ADGRL3: variants seen among roughly 807,000 people sequenced by gnomAD.
ADGRL3 encodes calcium-independent alpha-latrotoxin receptor 3.
In ADGRL3, 62 loss-of-function variants were observed where a neutral mutation model predicts 153.5. The observed-to-expected ratio is 0.40, with a 90% CI of 0.33 to 0.50. The LOEUF (loss-of-function observed/expected upper bound fraction) is 0.50, where lower values mean the gene tolerates loss of function less well. Among genes scored for constraint, ADGRL3 ranks in the 20% least tolerant of loss-of-function variants. The pLI, the probability that ADGRL3 is intolerant of heterozygous loss-of-function variation, is 0.47. For synonymous variants in ADGRL3, 710 were observed against 672.5 expected (o/e 1.06, Z -0.86); for missense variants, 1,641 against 1,859.4 (o/e 0.88, Z 2.16).
At chr4:61,554,984 A>G (rs1266974366) in intron 4 of ADGRL3, among the ~76,000 whole-genome samples, 3 of 152,246 alleles carry the variant, frequency 2.0e-5, no homozygotes, top group Non-Finnish European at 4.4e-5. Context: ...AATGTATGAT[A>G]AACAAGGATT....
intron 1 of ADGRL3, among the ~76,000 whole-genome samples, chr4:61,367,208 C>T (rs866411073): frequency 1.3e-5 from 2 of 151,544 alleles, no homozygotes; most frequent in South Asian, 4.2e-4. Flanking sequence ...TGATTTCAGA[C>T]AAGTTTTTTA....
chr4:61,527,044 C>T (rs956288755), intron 4 of ADGRL3, among the ~76,000 whole-genome samples: 9 of 151,910 alleles, frequency 5.9e-5, no homozygotes, highest in East Asian at 3.9e-4. Flanking sequence ...ACATTATTTG[C>T]AACACATTTT....
At chr4:61,620,805 T>TA (rs1230842907) in intron 5 of ADGRL3, among the ~76,000 whole-genome samples, 3 of 151,796 alleles carry the variant, frequency 2.0e-5, no homozygotes, top group Non-Finnish European at 4.4e-5. Flanking sequence ...CATGCCCAAC[T>TA]AATTTTTGTA....
chr4:61,256,725 T>C (rs2092007491), intron 1 of ADGRL3, among the ~76,000 whole-genome samples: 1 of 152,172 alleles, frequency 6.6e-6, no homozygotes, highest in African/African-American at 2.4e-5. Context: ...GGAAATAAAC[T>C]GAGTTTATAA....
intron 1 of ADGRL3, among the ~76,000 whole-genome samples, chr4:61,298,903 C>A (rs1398103029): frequency 6.6e-6 from 1 of 152,048 alleles, no homozygotes; most frequent in Non-Finnish European, 1.5e-5. Context: ...ATAACTTAAT[C>A]AAATGTTGGC....
chr4:61,630,364 A>T (rs1289877357), intron 5 of ADGRL3, among the ~76,000 whole-genome samples: 1 of 152,314 alleles, frequency 6.6e-6, no homozygotes, highest in African/African-American at 2.4e-5. Flanking sequence ...ACTGCAAGTA[A>T]TAGGAACTCA....
rs367672720 is a variant in ADGRL3, at chr4:61,374,648, A to G, written c.-239-8476A>G. Reference sequence around the variant, plus strand: ...GGGGGCAGAGAAAAAAGGAGAAAGCAGAATGGCAATGCAATGGAAATCTGA... The same window carrying G: ...GGGGGCAGAGAAAAAAGGAGAAAGCGGAATGGCAATGCAATGGAAATCTGA... On this transcript the variant is annotated intron_variant, in intron 1 of 26. Coordinates refer to ENST00000683033, the MANE Select transcript of ADGRL3 (RefSeq NM_001387552.1). 1.9e-4 allele frequency among the ~76,000 whole-genome samples: 29 copies of G among 152,320 alleles called. No homozygotes were observed. In the East Asian group the frequency reaches 4.2e-3, roughly 22 times the overall value.
chr4:61,836,696 A>C (rs1346887928), intron 9 of ADGRL3, among the ~76,000 whole-genome samples: 1 of 152,128 alleles, frequency 6.6e-6, no homozygotes, highest in East Asian at 1.9e-4. Context: ...TTTCGTTTTA[A>C]AATGACTGTA....
At chr4:61,636,200 T>C (rs1035559038) in intron 5 of ADGRL3, among the ~76,000 whole-genome samples, 5 of 152,112 alleles carry the variant, frequency 3.3e-5, no homozygotes, top group Non-Finnish European at 5.9e-5. Context: ...TCAGTCCTTA[T>C]TTTTTATACA....
At chr4:61,228,232 A>T (rs958844019) in intron 1 of ADGRL3, among the ~76,000 whole-genome samples, 1 of 152,238 alleles carries the variant, frequency 6.6e-6, no homozygotes, top group East Asian at 1.9e-4. Flanking sequence ...TGCTATGAGA[A>T]TGATGATGTC....
At chr4:61,729,939 CCTT>C (rs2096411452) in intron 6 of ADGRL3, among the ~76,000 whole-genome samples, 1 of 151,874 alleles carries the variant, frequency 6.6e-6, no homozygotes. Context: ...TTTTTCTAAA[CCTT>C]CTGATAATGT....
chr4:61,973,147 A>C (rs980636050), intron 17 of ADGRL3, among the ~76,000 whole-genome samples: 1 of 152,016 alleles, frequency 6.6e-6, no homozygotes, highest in Non-Finnish European at 1.5e-5. Flanking sequence ...TTTTTTGACA[A>C]TAAAGTTAGA....
At chr4:61,851,759 G>C (rs201174463) in intron 9 of ADGRL3, among the ~76,000 whole-genome samples, 1 of 103,106 alleles carries the variant, frequency 9.7e-6, no homozygotes. Context: ...TTTTCTTTTT[G>C]TGTGATGTCA....
chr4:61,353,954 C>A (rs1476038632), intron 1 of ADGRL3, among the ~76,000 whole-genome samples: 1 of 152,046 alleles, frequency 6.6e-6, no homozygotes, highest in African/African-American at 2.4e-5. Context: ...TTAACATTCT[C>A]ATTTTCATTT....
chr4:61,999,403 C>CA (rs2099132758), intron 21 of ADGRL3, among the ~76,000 whole-genome samples: 1 of 152,076 alleles, frequency 6.6e-6, no homozygotes, highest in East Asian at 1.9e-4. Context: ...CTTGATATAA[C>CA]AAAAAAATTA....
Position 61,733,023 on chromosome 4 carries a change from A to C in ADGRL3, c.868A>C (p.Lys290Gln). The change falls in exon 8 of 27, where the codon AAA (lysine) becomes CAA (glutamine). Residue 290 changes from lysine (K) to glutamine (Q), a missense_variant. By Grantham distance (53) the Lys-to-Gln change is moderately conservative (BLOSUM62 1). Transcript: ENST00000683033. The part of the protein sequence containing the change: ...VVYDGALFFN[K>Q]ERTRNIVKFD... ...GTATGATGGAGCTTTGTTCTTCAAC[A>C]AAGAGCGCACCAGGAACATAGTAAA... The C allele has an allele frequency of 6.2e-7, 1 of 1,613,788 alleles. No homozygotes were observed. Among genetic ancestry groups the C allele is most frequent in the Non-Finnish European group, 8.5e-7 (1 of 1,179,842 alleles).
At chr4:61,807,707 A>G (rs1298250197) in intron 8 of ADGRL3, among the ~76,000 whole-genome samples, 1 of 152,150 alleles carries the variant, frequency 6.6e-6, no homozygotes, top group Non-Finnish European at 1.5e-5. Flanking sequence ...TTTAGGTATC[A>G]TAATGGTATA....
At chr4:61,553,781 C>T (rs1405868502) in intron 4 of ADGRL3, among the ~76,000 whole-genome samples, 2 of 152,022 alleles carry the variant, frequency 1.3e-5, no homozygotes. Context: ...ATTTTGTAGA[C>T]TTGGTCCAAG....
chr4:61,766,694 T>G (rs1246055215), intron 8 of ADGRL3, among the ~76,000 whole-genome samples: 7 of 151,868 alleles, frequency 4.6e-5, no homozygotes, highest in Non-Finnish European at 8.8e-5. Context: ...GGTAATTTGA[T>G]GAGCTTGATG....
Sources: allele counts gnomAD v4.1 joint callset (sites outside exome capture counted in the v4.1 genomes callset), GRCh38; gene constraint gnomAD v4.1.1; transcripts MANE v1.5; gene names NCBI Gene and HGNC (gene_info 2026-07-23, HGNC 2026-07-21).